Variants in LRRC8B observed in about 807,000 individuals in gnomAD.
LRRC8B encodes leucine rich repeat containing 8 VRAC subunit B, also known as volume-regulated anion channel subunit LRRC8B.
A neutral mutation model predicts 58.8 loss-of-function variants in LRRC8B; 23 were observed. That is an observed-to-expected ratio of 0.39 (90% CI 0.28 to 0.55). The LOEUF is 0.55. Ranked by LOEUF, LRRC8B falls within the 20% of genes least tolerant of loss-of-function variation. The pLI is 0.62. For missense variants in LRRC8B, 694 were observed against 936.0 expected, an observed-to-expected ratio of 0.74 and a Z score of 3.37; for synonymous variants, 359 against 374.1, an observed-to-expected ratio of 0.96 and a Z score of 0.47.
At chr1:89,578,313 A>G (rs557335946) in intron 3 of LRRC8B, among the ~76,000 whole-genome samples, 19 of 152,340 alleles carry the variant, frequency 1.2e-4, no homozygotes, top group South Asian at 1.0e-3. Context: ...TGCAGCCGCT[A>G]TGGAAGAATA....
At chr1:89,584,828 G>T (rs541300807) in intron 5 of LRRC8B, 39 bp downstream of exon 5, 1 of 1,358,406 alleles carries the variant, frequency 7.4e-7, no homozygotes, top group Non-Finnish European at 1.0e-6. Flanking sequence ...AGTATCTGCC[G>T]TACTTATAGT....
chr1:89,525,719 C>T (rs904805442), intron 1 of LRRC8B, among the ~76,000 whole-genome samples: 6 of 152,142 alleles, frequency 3.9e-5, no homozygotes, highest in Admixed American at 3.3e-4. Context: ...CAACTGACTT[C>T]CTAAAGTCCA....
chr1:89,534,638 A>G (rs1205218232), intron 1 of LRRC8B, among the ~76,000 whole-genome samples: 3 of 152,220 alleles, frequency 2.0e-5, no homozygotes, highest in Non-Finnish European at 4.4e-5. Context: ...TCACTAGTAC[A>G]CGATTGACCA....
At chr1:89,531,238 TA>T (rs1650109617) in intron 1 of LRRC8B, among the ~76,000 whole-genome samples, 1 of 152,226 alleles carries the variant, frequency 6.6e-6, no homozygotes, top group African/African-American at 2.4e-5. Context: ...TAGGGAAGTT[TA>T]AATTTTTCCC....
At chr1:89,526,567 G>A (rs1649714284) in intron 1 of LRRC8B, among the ~76,000 whole-genome samples, 1 of 152,152 alleles carries the variant, frequency 6.6e-6, no homozygotes, top group South Asian at 2.1e-4. Context: ...CTTGTCAGCA[G>A]CTCTACTCAG....
intron 1 of LRRC8B, among the ~76,000 whole-genome samples, chr1:89,556,781 A>T (rs1652223782): frequency 6.6e-6 from 1 of 152,220 alleles, no homozygotes; most frequent in African/African-American, 2.4e-5. Context: ...ATTTAACACC[A>T]AGGTAAAAAT....
rs137866904 is a variant in LRRC8B at position 89,560,230 on chromosome 1, C to T, written c.-240-8017C>T. 3.3e-4 allele frequency among the ~76,000 whole-genome samples: 50 copies of T among 152,232 alleles called. 1 individual carries two copies. Among genetic ancestry groups the T allele is most frequent in the African/African-American group, 1.1e-3 (47 of 41,528 alleles). On this transcript the variant is annotated intron_variant, in intron 1 of 5. Transcript: ENST00000330947. Reference sequence around the variant, plus strand: ...GCTGCCTTGTAGTGTTGATCCTTCCCTATATCTCAGTAATGGTTACTTTCC... The same window carrying T: ...GCTGCCTTGTAGTGTTGATCCTTCCTTATATCTCAGTAATGGTTACTTTCC...
chr1:89,546,867 T>C (rs1043099182), intron 1 of LRRC8B, among the ~76,000 whole-genome samples: 22 of 151,804 alleles, frequency 1.4e-4, no homozygotes, highest in African/African-American at 5.1e-4. Context: ...TATTAAGGAA[T>C]TGTTAATTAT....
intron 1 of LRRC8B, among the ~76,000 whole-genome samples, chr1:89,565,760 C>T (rs1652996619): frequency 6.6e-6 from 1 of 152,200 alleles, no homozygotes; most frequent in Non-Finnish European, 1.5e-5. Context: ...AGGGACAAGA[C>T]TGACACGGGA....
At chr1:89,567,614 C>T (rs1289351632) in intron 1 of LRRC8B, among the ~76,000 whole-genome samples, 2 of 152,020 alleles carry the variant, frequency 1.3e-5, no homozygotes, top group South Asian at 2.1e-4. Context: ...TGAGGTGCTA[C>T]TCATACATTG....
chr1:89,565,847 T>TGGAATTC (rs1227893363), intron 1 of LRRC8B, among the ~76,000 whole-genome samples: 1 of 152,196 alleles, frequency 6.6e-6, no homozygotes, highest in African/African-American at 2.4e-5. Flanking sequence ...ATTCACTAAA[T>TGGAATTC]ATTTGTTCGC....
chr1:89,569,592 A>G lies in LRRC8B; in HGVS notation c.-125+1099A>G, dbSNP rs543672506. ...GTTTTCTGTTTCCGCTTTAGCTCAC[A>G]TAGGCTAAGGGCCTCCAGCTTCATC... On this transcript the variant is annotated intron_variant, in intron 3 of 5. Coordinates refer to ENST00000330947, the MANE Select transcript of LRRC8B (RefSeq NM_001369817.2). Among the ~76,000 whole-genome samples the G allele has an allele frequency of 5.3e-5, 8 of 152,268 alleles. No homozygotes were observed. In the South Asian group the frequency reaches 1.2e-3, roughly 24 times the overall value.
Position 89,584,119 on chromosome 1 carries a change from A to G in LRRC8B, c.1469A>G (p.Lys490Arg), listed in dbSNP as rs111995232. 52 of 1,613,638 alleles carry G rather than the reference A, an allele frequency of 3.2e-5. No individual in the cohort carries two copies. The African/African-American group carries it at 4.9e-4, about 15-fold the overall frequency. The change falls in exon 5 of 6, where the codon AAA (lysine) becomes AGA (arginine). Residue 490 changes from lysine (K) to arginine (R), a missense_variant. Transcript: ENST00000330947. ...CTGGCCTTTCTAGAGGAGAATTTAA[A>G]AATCCTCCGCCTGAAATTTACTGAA... ...PALAFLEENLKILRLKFTEMG... is the reference protein window; with the variant it reads ...PALAFLEENLRILRLKFTEMG...
intron 5 of LRRC8B, among the ~76,000 whole-genome samples, chr1:89,589,166 T>C (rs958101620): frequency 3.3e-5 from 5 of 152,222 alleles, no homozygotes; most frequent in Non-Finnish European, 7.4e-5. Flanking sequence ...TCTGGTCCTT[T>C]GGAGAAAAAC....
chr1:89,567,985 A>G (rs2100997144), intron 1 of LRRC8B, among the ~76,000 whole-genome samples: 1 of 152,318 alleles, frequency 6.6e-6, no homozygotes, highest in East Asian at 1.9e-4. Context: ...ATAATTGTAT[A>G]AAACGAGTAG....
rs186999539 is a variant in LRRC8B, at chr1:89,548,778, G to A, written c.-240-19469G>A. On this transcript the variant is annotated intron_variant, in intron 1 of 5. Transcript: ENST00000330947. ...ACAGAGCTGGACAGAAAAATCACCT[G>A]GAGAAACTGGGAGCCTTTGTTGACA... Among the ~76,000 whole-genome samples, 3 of 152,230 alleles carry A rather than the reference G, an allele frequency of 2.0e-5. No homozygotes were observed. In the East Asian group the frequency reaches 5.8e-4, roughly 29 times the overall value.
At chr1:89,539,478 G>T (rs1650790273) in intron 1 of LRRC8B, among the ~76,000 whole-genome samples, 3 of 152,274 alleles carry the variant, frequency 2.0e-5, no homozygotes, top group African/African-American at 7.2e-5. Context: ...ATAGGGACTG[G>T]GGTTATGGGC....
intron 3 of LRRC8B, among the ~76,000 whole-genome samples, chr1:89,571,783 T>C (rs572414929): frequency 2.0e-5 from 3 of 152,130 alleles, no homozygotes; most frequent in Admixed American, 6.5e-5. Context: ...TTCTTTCTTT[T>C]TTTTTTCTTT....
intron 3 of LRRC8B, among the ~76,000 whole-genome samples, chr1:89,569,512 A>T (rs1379143654): frequency 1.3e-5 from 2 of 152,066 alleles, no homozygotes; most frequent in Non-Finnish European, 1.5e-5. Context: ...TCCCATCTTT[A>T]TATCTATGTG....
Sources: gnomAD v4.1 joint callset for allele counts (sites outside exome capture counted in the v4.1 genomes callset) on GRCh38, gnomAD v4.1.1 for gene constraint, MANE v1.5 for transcripts, NCBI Gene and HGNC (gene_info 2026-07-23, HGNC 2026-07-21) for gene names.